Variants in GOLM1 observed in about 807,000 individuals in gnomAD.
GOLM1 encodes the protein epididymis luminal protein 46.
Under a neutral mutation model 50.5 loss-of-function variants are expected in GOLM1, and 31 were observed. The ratio of observed to expected loss-of-function variants is 0.61; its 90% CI spans 0.46 to 0.83. The LOEUF is 0.83. GOLM1 is among the 40% of genes least tolerant of loss of function. The probability of loss-of-function intolerance (pLI) is 0.00; values close to 1 mark genes in which losing one functional copy is unlikely to be tolerated. For synonymous variants in GOLM1, 178 were observed against 192.8 expected (o/e 0.92, Z 0.64); for missense variants, 491 against 501.3 (o/e 0.98, Z 0.20).
Position 86,032,505 on chromosome 9 carries a change from T to C in GOLM1, c.1129+777A>G, listed in dbSNP as rs1301864963. On this transcript the variant is annotated intron_variant, in intron 9 of 9. Coordinates refer to ENST00000388712, the MANE Select transcript of GOLM1 (RefSeq NM_016548.4). ...TTTAAGAAAGAATACTATGAGTCCA[T>C]AGTGATACCAAAACAAACAAGTGTG... is the stretch of plus-strand genomic sequence containing the variant. Among the ~76,000 whole-genome samples the C allele has an allele frequency of 3.3e-5, 5 of 152,016 alleles. No homozygotes were observed. In the East Asian group the frequency reaches 5.8e-4, roughly 18 times the overall value.
intron 7 of GOLM1, among the ~76,000 whole-genome samples, chr9:86,036,013 A>G (rs538707384): frequency 3.9e-5 from 6 of 152,236 alleles, no homozygotes; most frequent in African/African-American, 1.4e-4. Context: ...AGGCCCACCC[A>G]GGGCTTGCTC....
chr9:86,067,807 A>T (rs1249977296), intron 3 of GOLM1, among the ~76,000 whole-genome samples: 1 of 152,122 alleles, frequency 6.6e-6, no homozygotes, highest in South Asian at 2.1e-4. Flanking sequence ...GTTCAAGACC[A>T]GCCTAGCCAA....
rs746211334 is a variant in GOLM1 at position 86,077,611 on chromosome 9, T to C, written c.130-20A>G. 1.1e-5 allele frequency: 18 copies of C among 1,597,348 alleles called. No individual in the cohort carries two copies. The highest frequency in any genetic ancestry group is 1.9e-4 in the Middle Eastern group (1 of 5,214). ...CCGTGTCTACAAGGAGACCGTGGCA[T>C]TAGGGCTGATGCCAAGTTACCTGAG... On this transcript the variant is annotated intron_variant, in intron 2 of 9. Coordinates refer to ENST00000388712, the MANE Select transcript of GOLM1 (RefSeq NM_016548.4).
chr9:86,059,115 CA>C (rs1475834439), intron 3 of GOLM1, among the ~76,000 whole-genome samples: 1 of 152,028 alleles, frequency 6.6e-6, no homozygotes, highest in Non-Finnish European at 1.5e-5. Context: ...ATGTAAAATG[CA>C]ATCCCTGTGA....
At chr9:86,046,108 AACTATT>A (rs1171293731) in intron 5 of GOLM1, among the ~76,000 whole-genome samples, 3 of 152,234 alleles carry the variant, frequency 2.0e-5, no homozygotes, top group Non-Finnish European at 4.4e-5. Flanking sequence ...CCAGGCAATA[AACTATT>A]ACTATATCAA....
intron 9 of GOLM1, among the ~76,000 whole-genome samples, chr9:86,029,634 T>G (rs1416096472): frequency 1.3e-4 from 1 of 7,818 alleles, no homozygotes; most frequent in African/African-American, 7.8e-3. Context: ...TTAAAGGCTC[T>G]TAATAAAGTT....
intron 3 of GOLM1, among the ~76,000 whole-genome samples, chr9:86,073,606 C>T (rs987729346): frequency 6.6e-6 from 1 of 152,122 alleles, no homozygotes. Context: ...CCGAACCTTA[C>T]AGAGAAGGGG....
At chr9:86,037,896 T>G (rs1833197983) in intron 6 of GOLM1, among the ~76,000 whole-genome samples, 1 of 151,776 alleles carries the variant, frequency 6.6e-6, no homozygotes. Flanking sequence ...GGCTAATGCC[T>G]GTAATGCCAG....
chr9:86,063,423 T>A (rs1834217230), intron 3 of GOLM1, among the ~76,000 whole-genome samples: 1 of 152,178 alleles, frequency 6.6e-6, no homozygotes, highest in Admixed American at 6.5e-5. Flanking sequence ...TTGTACATTC[T>A]GACTTTCTGC....
At chr9:86,054,977 TTAG>T (rs1833944846) in intron 3 of GOLM1, among the ~76,000 whole-genome samples, 1 of 152,196 alleles carries the variant, frequency 6.6e-6, no homozygotes, top group African/African-American at 2.4e-5. Flanking sequence ...CCATTCCTGC[TTAG>T]TGGTGGACGA....
At chr9:86,082,223 T>C (rs1444319056) in intron 1 of GOLM1, among the ~76,000 whole-genome samples, 1 of 151,354 alleles carries the variant, frequency 6.6e-6, no homozygotes, top group Non-Finnish European at 1.5e-5. Flanking sequence ...AGAGACGAAG[T>C]TCCCCCATTA....
intron 6 of GOLM1, 41 bp from the exon 7 acceptor site, chr9:86,036,548 T>C (rs2118649993): frequency 6.2e-7 from 1 of 1,602,672 alleles, no homozygotes; most frequent in Non-Finnish European, 8.5e-7. Flanking sequence ...GGCAGGGCTC[T>C]GTGAACAGAA....
chr9:86,097,455 A>AT (rs879761880), intron 1 of GOLM1, among the ~76,000 whole-genome samples: 20 of 150,088 alleles, frequency 1.3e-4, no homozygotes, highest in East Asian at 7.7e-4. Context: ...AGGGCAACTT[A>AT]TTTTTTTTTT....
intron 6 of GOLM1, among the ~76,000 whole-genome samples, chr9:86,038,202 A>T (rs1183473581): frequency 6.6e-6 from 1 of 152,032 alleles, no homozygotes; most frequent in Admixed American, 6.6e-5. Context: ...CCCCAGTCAT[A>T]AGGGACTCCC....
chr9:86,097,150 C>T (rs2118918325), intron 1 of GOLM1, among the ~76,000 whole-genome samples: 1 of 150,162 alleles, frequency 6.7e-6, no homozygotes, highest in Admixed American at 6.7e-5. Flanking sequence ...AGAAACACTT[C>T]ATAAATTTGG....
At chr9:86,041,390 G>C (rs1833344083) in intron 5 of GOLM1, among the ~76,000 whole-genome samples, 1 of 152,144 alleles carries the variant, frequency 6.6e-6, no homozygotes. Flanking sequence ...CCAGGGAAGG[G>C]AGGAGTGGAG....
In GOLM1 at chr9:86,027,733, C is replaced by T. The variant is rs1476205473; in HGVS notation, c.*84G>A. 6.6e-7 allele frequency: 1 copy of T among 1,521,618 alleles called. No individual in the cohort carries two copies. The highest frequency in any genetic ancestry group is 1.4e-5 in the African/African-American group (1 of 71,120). The allele number at this position is 1,521,618 out of a possible 1,614,324, so 94.3% of individuals were successfully genotyped here. ...GATGTACATTTTATTTAGTACATTT[C>T]ACAGTTTTCAGTATTCAGTCCCTCA... On this transcript the variant is annotated 3_prime_UTR_variant, in exon 10 of 10. Transcript: ENST00000388712.
intron 2 of GOLM1, among the ~76,000 whole-genome samples, chr9:86,078,495 G>T (rs1290508947): frequency 6.6e-6 from 1 of 152,132 alleles, no homozygotes; most frequent in Non-Finnish European, 1.5e-5. Flanking sequence ...AGACAGCAAG[G>T]GTAGGGATGA....
chr9:86,042,852 C>T (rs938294956), intron 5 of GOLM1, among the ~76,000 whole-genome samples: 1 of 152,214 alleles, frequency 6.6e-6, no homozygotes, highest in Non-Finnish European at 1.5e-5. Context: ...GAACAAACTA[C>T]CTCCATCCTC....
Sources: gnomAD v4.1 joint callset for allele counts (sites outside exome capture counted in the v4.1 genomes callset) on GRCh38, gnomAD v4.1.1 for gene constraint, MANE v1.5 for transcripts, NCBI Gene and HGNC (gene_info 2026-07-23, HGNC 2026-07-21) for gene names.